Variants in CSMD1 observed in about 807,000 individuals in gnomAD.
CSMD1 encodes the protein CUB and sushi domain-containing protein 1.
In CSMD1, 213 loss-of-function variants were observed where a neutral mutation model predicts 417.5. The ratio of observed to expected loss-of-function variants is 0.51; its 90% CI spans 0.46 to 0.57. The LOEUF is 0.57. Among genes scored for constraint, CSMD1 ranks in the 20% least tolerant of loss-of-function variants. The probability of loss-of-function intolerance (pLI) is 0.00; values close to 1 mark genes in which losing one functional copy is unlikely to be tolerated. For synonymous variants in CSMD1, 2,862 were observed against 1,736.8 expected (o/e 1.65, Z -16.11); for missense variants, 6,923 against 4,529.7 (o/e 1.53, Z -15.17).
intron 3 of CSMD1, among the ~76,000 whole-genome samples, chr8:4,322,598 A>T (rs1398605908): frequency 6.6e-6 from 1 of 152,220 alleles, no homozygotes; most frequent in Non-Finnish European, 1.5e-5. Context: ...CATAAAAGAC[A>T]TGTTGTAGAA....
chr8:4,306,733 G>C (rs1798268457), intron 3 of CSMD1, among the ~76,000 whole-genome samples: 1 of 151,994 alleles, frequency 6.6e-6, no homozygotes, highest in Non-Finnish European at 1.5e-5. Context: ...CTCTAAATGA[G>C]TGCCCGACCG....
intron 17 of CSMD1, among the ~76,000 whole-genome samples, chr8:3,388,087 T>A (rs748421174): frequency 6.6e-6 from 1 of 152,216 alleles, no homozygotes; most frequent in African/African-American, 2.4e-5. Context: ...TATATTTATA[T>A]ATTCCAGTTA....
At chr8:3,359,041 C>G (rs955213378) in intron 21 of CSMD1, 111 bp downstream of exon 21, 1 of 976,388 alleles carries the variant, frequency 1.0e-6, no homozygotes, top group Admixed American at 2.1e-5. Flanking sequence ...CACTTTCACC[C>G]TCTCCTTCCT....
intron 5 of CSMD1, among the ~76,000 whole-genome samples, chr8:3,928,004 ATAT>A (rs1179794545): frequency 2.0e-5 from 3 of 152,290 alleles, no homozygotes; most frequent in South Asian, 4.1e-4. Flanking sequence ...TGGTTTTAAA[ATAT>A]TATCTTTTCT....
At chr8:4,708,659 A>T (rs148215773) in intron 1 of CSMD1, among the ~76,000 whole-genome samples, 112 of 151,810 alleles carry the variant, frequency 7.4e-4, no homozygotes, top group Non-Finnish European at 1.3e-3. Flanking sequence ...TATAGACACC[A>T]TCCTAACCAG....
At chr8:2,959,654 G>A (rs1168050435) in intron 62 of CSMD1, among the ~76,000 whole-genome samples, 1 of 152,102 alleles carries the variant, frequency 6.6e-6, no homozygotes, top group Non-Finnish European at 1.5e-5. Flanking sequence ...GCTGGAGAAC[G>A]GGAGGTAGTC....
chr8:3,478,927 G>A (rs572755472), intron 11 of CSMD1, among the ~76,000 whole-genome samples: 72 of 151,966 alleles, frequency 4.7e-4, no homozygotes, highest in Non-Finnish European at 5.9e-4. Flanking sequence ...CAGACACAGC[G>A]GTAGAGTGGG....
intron 1 of CSMD1, among the ~76,000 whole-genome samples, chr8:4,647,270 A>T (rs1803576802): frequency 1.3e-5 from 2 of 151,726 alleles, no homozygotes; most frequent in Admixed American, 1.3e-4. Context: ...TAAAAAAAAA[A>T]ATCCGGGATA....
chr8:3,899,049 A>G (rs377239709), intron 5 of CSMD1, among the ~76,000 whole-genome samples: 9 of 152,328 alleles, frequency 5.9e-5, no homozygotes, highest in African/African-American at 2.2e-4. Flanking sequence ...AAAGAAAACA[A>G]TTGAGGTCAA....
At chr8:4,579,726 G>C (rs1404338123) in intron 2 of CSMD1, among the ~76,000 whole-genome samples, 1 of 151,914 alleles carries the variant, frequency 6.6e-6, no homozygotes, top group Non-Finnish European at 1.5e-5. Context: ...TTTTTTACAT[G>C]GTGAATTTCC....
Position 3,968,503 on chromosome 8 carries a change from C to G in CSMD1, c.818+29400G>C, listed in dbSNP as rs532069398. Among the ~76,000 whole-genome samples the G allele has an allele frequency of 2.6e-5, 4 of 152,092 alleles. No individual in the cohort carries two copies. The East Asian group carries it at 7.8e-4, about 30-fold the overall frequency. ...AAGTACATCTTCCGGATTCAAAATA[C>G]TTAATAAAGCAACATACTGCAAATG... is the stretch of plus-strand genomic sequence containing the variant. On this transcript the variant is annotated intron_variant, in intron 5 of 69. Transcript: ENST00000635120.
At chr8:4,259,058 C>G (rs116831934) in intron 3 of CSMD1, among the ~76,000 whole-genome samples, 5 of 152,118 alleles carry the variant, frequency 3.3e-5, no homozygotes, top group African/African-American at 1.2e-4. Context: ...AAAGACCCTG[C>G]TTTGAGTTTG....
At chr8:4,127,980 C>A (rs1459292889) in intron 3 of CSMD1, among the ~76,000 whole-genome samples, 2 of 152,176 alleles carry the variant, frequency 1.3e-5, no homozygotes, top group East Asian at 1.9e-4. Context: ...GTAAATGCCA[C>A]TGCTTTGGGA....
chr8:4,230,760 T>C (rs1801673140), intron 3 of CSMD1, among the ~76,000 whole-genome samples: 2 of 152,016 alleles, frequency 1.3e-5, no homozygotes, highest in South Asian at 4.1e-4. Context: ...ATAAATTCTA[T>C]CAGTTTTTTT....
chr8:4,141,672 T>C (rs34186525), intron 3 of CSMD1, among the ~76,000 whole-genome samples: 45,227 of 150,738 alleles, frequency 0.3, 8,428 homozygotes, highest in Non-Finnish European at 0.39. Context: ...TCTAAACTTC[T>C]CCAGAAATTG....
At chr8:4,850,401 T>TTG (rs1801399356) in intron 1 of CSMD1, among the ~76,000 whole-genome samples, 1 of 150,276 alleles carries the variant, frequency 6.7e-6, no homozygotes, top group Non-Finnish European at 1.5e-5. Context: ...TTTTTTTTTT[T>TTG]TTTTGCTCTT....
chr8:4,271,208 A>T (rs969936872), intron 3 of CSMD1, among the ~76,000 whole-genome samples: 1 of 152,136 alleles, frequency 6.6e-6, no homozygotes, highest in African/African-American at 2.4e-5. Context: ...AAACATATAT[A>T]TACTTGCAAT....
chr8:4,682,242 C>G (rs1174750493), intron 1 of CSMD1, among the ~76,000 whole-genome samples: 1 of 152,042 alleles, frequency 6.6e-6, no homozygotes, highest in African/African-American at 2.4e-5. Context: ...GTTGCCCAGG[C>G]TGGTCTCAAA....
chr8:4,081,042 C>G (rs148720868), intron 3 of CSMD1, among the ~76,000 whole-genome samples: 9 of 152,248 alleles, frequency 5.9e-5, no homozygotes, highest in African/African-American at 1.9e-4. Flanking sequence ...TGGAGGGACA[C>G]AAAGTTCATC....
Sources: allele counts gnomAD v4.1 joint callset (sites outside exome capture counted in the v4.1 genomes callset), GRCh38; gene constraint gnomAD v4.1.1; transcripts MANE v1.5; gene names NCBI Gene and HGNC (gene_info 2026-07-23, HGNC 2026-07-21).